The following LANCL3 variants were observed in gnomAD, a reference collection of about 807,000 sequenced individuals.
LANCL3 encodes the protein lanC-like protein 3.
Under a neutral mutation model 26.5 loss-of-function variants are expected in LANCL3, and 19 were observed. The ratio of observed to expected loss-of-function variants is 0.72; its 90% CI spans 0.50 to 1.05. The LOEUF (loss-of-function observed/expected upper bound fraction) is 1.05, where lower values mean the gene tolerates loss of function less well. Among genes scored for constraint, LANCL3 ranks in the 50% least tolerant of loss-of-function variants. The probability of loss-of-function intolerance (pLI) is 0.00; values close to 1 mark genes in which losing one functional copy is unlikely to be tolerated. For missense variants in LANCL3, 318 were observed against 362.7 expected, an observed-to-expected ratio of 0.88 and a Z score of 1.00; for synonymous variants, 160 against 166.6, an observed-to-expected ratio of 0.96 and a Z score of 0.30.
At chrX:37,667,722 A>T (rs1231890638) in intron 4 of LANCL3, among the ~76,000 whole-genome samples, 4 of 111,254 alleles carry the variant, frequency 3.6e-5, no homozygotes, top group African/African-American at 1.3e-4. Flanking sequence ...CTATAAAGGA[A>T]TACTTGAGGG....
chrX:37,658,052 G>C (rs1828130116), intron 2 of LANCL3, among the ~76,000 whole-genome samples: 1 of 112,043 alleles, frequency 8.9e-6, no homozygotes. Flanking sequence ...CCTTTGTTAA[G>C]CTAACTTCTT....
intron 1 of LANCL3, among the ~76,000 whole-genome samples, chrX:37,623,534 G>A (rs1925227167): frequency 8.9e-6 from 1 of 111,844 alleles, no homozygotes; most frequent in Non-Finnish European, 1.9e-5. Context: ...TTTAAAAAGT[G>A]ATTCTTTTAA....
At chrX:37,612,732 A>G (rs1924910088) in intron 1 of LANCL3, among the ~76,000 whole-genome samples, 1 of 112,013 alleles carries the variant, frequency 8.9e-6, no homozygotes, top group South Asian at 3.8e-4. Flanking sequence ...AGATACAAAG[A>G]TGAACAGGAC....
intron 1 of LANCL3, among the ~76,000 whole-genome samples, chrX:37,633,805 C>A (rs192143200): frequency 9.0e-6 from 1 of 111,474 alleles, no homozygotes; most frequent in East Asian, 2.8e-4. Flanking sequence ...GTCTCAGAGG[C>A]GTACCCGGCC....
chrX:37,640,192 A>G (rs782390385), intron 1 of LANCL3, among the ~76,000 whole-genome samples: 204 of 112,304 alleles, frequency 1.8e-3, no homozygotes, highest in African/African-American at 6.1e-3. Context: ...ATAAAGAACT[A>G]TTTGAGACTG....
At chrX:37,651,606 G>GT (rs782033247) in intron 1 of LANCL3, among the ~76,000 whole-genome samples, 38 of 104,450 alleles carry the variant, frequency 3.6e-4, no homozygotes, top group East Asian at 8.7e-4. Flanking sequence ...GTTTTTGCAA[G>GT]TTTTTTTTTT....
chrX:37,599,973 G>A (rs1028825627), intron 1 of LANCL3, among the ~76,000 whole-genome samples: 11 of 111,679 alleles, frequency 9.8e-5, no homozygotes, highest in East Asian at 2.8e-4. Context: ...TTGGCTCATC[G>A]AGGTGACAGG....
chrX:37,651,592 T>C (rs1445698606), intron 1 of LANCL3, among the ~76,000 whole-genome samples: 2 of 111,532 alleles, frequency 1.8e-5, no homozygotes, highest in Non-Finnish European at 3.8e-5. Flanking sequence ...ACTTTCTTTT[T>C]CTGGTTTTTG....
At chrX:37,590,025 G>A (rs1924226139) in intron 1 of LANCL3, among the ~76,000 whole-genome samples, 1 of 112,517 alleles carries the variant, frequency 8.9e-6, no homozygotes, top group South Asian at 3.7e-4. Context: ...AAAAACTGTA[G>A]GATCTTTGCA....
chrX:37,630,944 A>G (rs1322218723), intron 1 of LANCL3, among the ~76,000 whole-genome samples: 3 of 111,593 alleles, frequency 2.7e-5, no homozygotes, highest in South Asian at 3.8e-4. Context: ...CGGCTTTGGT[A>G]TCAGGATGAT....
intron 1 of LANCL3, among the ~76,000 whole-genome samples, chrX:37,649,468 T>A (rs1372717438): frequency 9.1e-6 from 1 of 109,390 alleles, no homozygotes; most frequent in East Asian, 2.8e-4. Flanking sequence ...ATGGGGGGCA[T>A]GGGGAGGGAA....
At chrX:37,610,306 C>CT (rs1924831637) in intron 1 of LANCL3, among the ~76,000 whole-genome samples, 1 of 111,674 alleles carries the variant, frequency 9.0e-6, no homozygotes, top group Admixed American at 9.5e-5. Flanking sequence ...AGCAAAAGTG[C>CT]ATGACATTTC....
intron 1 of LANCL3, among the ~76,000 whole-genome samples, chrX:37,626,362 T>C (rs781963117): frequency 3.6e-5 from 4 of 112,137 alleles, no homozygotes; most frequent in Admixed American, 9.4e-5. Context: ...TCCCAGAAGA[T>C]AGGTGTGTGA....
At chrX:37,650,787 G>A (rs1926118368) in intron 1 of LANCL3, among the ~76,000 whole-genome samples, 1 of 104,109 alleles carries the variant, frequency 9.6e-6, no homozygotes, top group African/African-American at 3.6e-5. Flanking sequence ...TGTGCACAAT[G>A]TGCAGGTTCG....
intron 1 of LANCL3, among the ~76,000 whole-genome samples, chrX:37,616,440 A>G (rs1416068538): frequency 4.5e-5 from 5 of 112,081 alleles, no homozygotes; most frequent in Non-Finnish European, 9.4e-5. Flanking sequence ...CCAGTGTTAA[A>G]AAAGGACTCT....
At chrX:37,648,280 C>T (rs782819050) in intron 1 of LANCL3, among the ~76,000 whole-genome samples, 31 of 112,126 alleles carry the variant, frequency 2.8e-4, no homozygotes, top group Non-Finnish European at 5.1e-4. Context: ...GTTGTCAGGA[C>T]CTAACCTAAT....
chrX:37,625,710 A>AT (rs1192850869), intron 1 of LANCL3, among the ~76,000 whole-genome samples: 53 of 105,217 alleles, frequency 5.0e-4, no homozygotes, highest in Admixed American at 1.0e-3. Flanking sequence ...TGTCCTTGAA[A>AT]TTTTTTTTTT....
intron 1 of LANCL3, among the ~76,000 whole-genome samples, chrX:37,584,428 GC>G (rs1177373838): frequency 1.8e-5 from 2 of 109,974 alleles, no homozygotes; most frequent in Admixed American, 1.9e-4. Context: ...GTAGAATTCG[GC>G]TGTGAATCCA....
chrX:37,616,922 A>G (rs1431061668), intron 1 of LANCL3, among the ~76,000 whole-genome samples: 2 of 111,937 alleles, frequency 1.8e-5, no homozygotes, highest in Non-Finnish European at 3.8e-5. Context: ...CTGACTTTTA[A>G]CAAGATCCTA....
Sources: allele counts gnomAD v4.1 joint callset (sites outside exome capture counted in the v4.1 genomes callset), GRCh38; gene constraint gnomAD v4.1.1; transcripts MANE v1.5; gene names NCBI Gene and HGNC (gene_info 2026-07-23, HGNC 2026-07-21).